Variants in ARHGEF4 observed in about 807,000 individuals in gnomAD.
The protein encoded by ARHGEF4 is Rho guanine nucleotide exchange factor 4.
ARHGEF4 carries 119 observed loss-of-function variants against 162.0 expected under a neutral mutation model. The ratio of observed to expected loss-of-function variants is 0.73; its 90% CI spans 0.63 to 0.86. The LOEUF (loss-of-function observed/expected upper bound fraction) is 0.86, where lower values mean the gene tolerates loss of function less well. ARHGEF4 is among the 40% of genes least tolerant of loss of function. The pLI is 0.00. For synonymous variants in ARHGEF4, 1,014 were observed against 979.9 expected (o/e 1.03, Z -0.65); for missense variants, 2,488 against 2,456.0 (o/e 1.01, Z -0.28).
At chr2:130,994,572 C>T (rs144283457) in intron 4 of ARHGEF4, among the ~76,000 whole-genome samples, 2 of 152,062 alleles carry the variant, frequency 1.3e-5, no homozygotes, top group Non-Finnish European at 2.9e-5. Context: ...TCCAATAAGA[C>T]GTTGTTTTGT....
intron 4 of ARHGEF4, among the ~76,000 whole-genome samples, chr2:130,960,780 G>T (rs1370260365): frequency 6.6e-6 from 1 of 152,108 alleles, no homozygotes; most frequent in Non-Finnish European, 1.5e-5. Flanking sequence ...CAGCACCTTT[G>T]ATGGTAAGTG....
intron 2 of ARHGEF4, among the ~76,000 whole-genome samples, chr2:130,925,140 C>A (rs1682165230): frequency 6.7e-6 from 1 of 149,004 alleles, no homozygotes; most frequent in African/African-American, 2.5e-5. Flanking sequence ...TGTTTATAAT[C>A]TAAAATTTGT....
chr2:130,931,500 C>G (rs1461687748), intron 3 of ARHGEF4, among the ~76,000 whole-genome samples: 1 of 152,226 alleles, frequency 6.6e-6, no homozygotes, highest in Non-Finnish European at 1.5e-5. Context: ...TCTTCCTTCT[C>G]TGTAGTATGT....
chr2:131,040,092 C>T lies in ARHGEF4; in HGVS notation c.4382C>T (p.Ala1461Val), dbSNP rs768808876. The T allele has an allele frequency of 1.6e-5, 25 of 1,608,716 alleles. No individual in the cohort carries two copies. The South Asian group carries it at 2.3e-4, about 15-fold the overall frequency. ...AGNSGAEDGG[A>V]EAQSSKDQMR... Reference sequence around the variant, plus strand: ...AACAGCGGAGCGGAGGACGGCGGGGCGGAGGCGCAGAGCAGCAAGGACCAG... The same window carrying T: ...AACAGCGGAGCGGAGGACGGCGGGGTGGAGGCGCAGAGCAGCAAGGACCAG... The change falls in exon 7 of 14, where the codon GCG becomes GTG. Residue 1461 changes from alanine (A) to valine (V), a missense_variant. Physicochemically the swap from Ala to Val is moderately conservative, Grantham distance 64. This residue lies in a region of ARHGEF4 where 174 missense variants were observed against 148.3 expected (regional missense o/e 1.17). Coordinates refer to ENST00000409359, the MANE Select transcript of ARHGEF4 (RefSeq NM_001367493.1).
At chr2:130,853,324 C>T (rs945955455) in intron 1 of ARHGEF4, among the ~76,000 whole-genome samples, 1 of 152,198 alleles carries the variant, frequency 6.6e-6, no homozygotes, top group Non-Finnish European at 1.5e-5. Flanking sequence ...TCTGGGCACA[C>T]GGCTTGGCTG....
At chr2:130,890,617 C>A (rs1441497464) in intron 1 of ARHGEF4, among the ~76,000 whole-genome samples, 1 of 150,542 alleles carries the variant, frequency 6.6e-6, no homozygotes, top group Non-Finnish European at 1.5e-5. Context: ...TTGTAAATTT[C>A]TTTTAACCTA....
chr2:130,907,301 G>T (rs1424770882), intron 1 of ARHGEF4, among the ~76,000 whole-genome samples: 1 of 129,856 alleles, frequency 7.7e-6, no homozygotes, highest in East Asian at 2.5e-4. Context: ...TGCAAGCTCC[G>T]CCTCCTGGGT....
At chr2:130,988,848 TTGTGTGTG>T (rs1167521372) in intron 4 of ARHGEF4, among the ~76,000 whole-genome samples, 23 of 136,216 alleles carry the variant, frequency 1.7e-4, no homozygotes, top group African/African-American at 5.8e-4. Context: ...CCACATATAT[TTGTGTGTG>T]TGTGTGTGTG....
chr2:130,922,372 A>AG (rs987653771), intron 2 of ARHGEF4, among the ~76,000 whole-genome samples: 82 of 138,458 alleles, frequency 5.9e-4, no homozygotes, highest in African/African-American at 2.3e-3. Context: ...ACTCTGTCTC[A>AG]AAAAAAAAAA....
chr2:131,045,688 C>T (rs1691195469), intron 13 of ARHGEF4: 3 of 1,466,600 alleles, frequency 2.0e-6, no homozygotes, highest in South Asian at 1.4e-5. Context: ...CCATTGGTGA[C>T]AATGCTTGTT....
rs368452142 is a variant in ARHGEF4, at chr2:130,988,901, TAGAGAGAGAG to T, written c.3986-39018_3986-39009del. On this transcript the variant is annotated intron_variant, in intron 4 of 13. Coordinates refer to ENST00000409359, the MANE Select transcript of ARHGEF4 (RefSeq NM_001367493.1). ...ATATATATATATATATATATATATATAGAGAGAGAGAGAGAGAGAGAGAGAGAGAGAGAGA... is the reference window on the plus strand; with the variant it reads ...ATATATATATATATATATATATATATAGAGAGAGAGAGAGAGAGAGAGAGA... 7.9e-4 allele frequency among the ~76,000 whole-genome samples: 89 copies of T among 113,372 alleles called. 1 individual carries two copies. The highest frequency in any genetic ancestry group is 4.9e-3 in the Middle Eastern group (1 of 206). The allele number at this position is 113,372 out of a possible 152,430, so 74.4% of individuals were successfully genotyped here.
At chr2:130,984,809 CAA>C (rs1230046779) in intron 4 of ARHGEF4, among the ~76,000 whole-genome samples, 1 of 152,076 alleles carries the variant, frequency 6.6e-6, no homozygotes, top group Non-Finnish European at 1.5e-5. Context: ...CCCAAGTGTC[CAA>C]ACTGAAACAG....
chr2:131,007,687 CATAA>C (rs1688202814), intron 4 of ARHGEF4, among the ~76,000 whole-genome samples: 1 of 149,030 alleles, frequency 6.7e-6, no homozygotes, highest in Non-Finnish European at 1.5e-5. Flanking sequence ...ATTATTTTTT[CATAA>C]ATAAGATCAC....
intron 1 of ARHGEF4, among the ~76,000 whole-genome samples, chr2:130,850,080 C>T (rs574780563): frequency 1.6e-4 from 24 of 152,298 alleles, no homozygotes; most frequent in Non-Finnish European, 2.6e-4. Flanking sequence ...CTCACCCCAC[C>T]GGGAGCCTCC....
intron 4 of ARHGEF4, among the ~76,000 whole-genome samples, chr2:130,955,372 G>T (rs1280885613): frequency 1.3e-5 from 2 of 152,056 alleles, no homozygotes; most frequent in African/African-American, 4.8e-5. Context: ...TGGAAACTGG[G>T]CATTTTAGAT....
chr2:130,886,364 A>AG (rs147593391), intron 1 of ARHGEF4, among the ~76,000 whole-genome samples: 1,994 of 152,024 alleles, frequency 0.013, 62 homozygotes, highest in African/African-American at 0.045. Flanking sequence ...TCTGAAAAAA[A>AG]ATTCTGAAAG....
rs565411954 is a variant in ARHGEF4 at position 130,932,128 on chromosome 2, A to G, written c.3858+871A>G. On this transcript the variant is annotated intron_variant, in intron 3 of 13. Coordinates refer to ENST00000409359, the MANE Select transcript of ARHGEF4 (RefSeq NM_001367493.1). ...GTCTCTATGGGTCTTCCTATTCTGGATTTTTCATATAAATGTAATTACATG... is the reference window on the plus strand; with the variant it reads ...GTCTCTATGGGTCTTCCTATTCTGGGTTTTTCATATAAATGTAATTACATG... Among the ~76,000 whole-genome samples the G allele has an allele frequency of 3.9e-5, 6 of 152,176 alleles. No individual in the cohort carries two copies. The East Asian group carries it at 9.6e-4, about 24-fold the overall frequency.
chr2:131,011,972 G>A, intron 4 of ARHGEF4: 1 of 695,178 alleles, frequency 1.4e-6, no homozygotes, highest in Non-Finnish European at 2.6e-6. Context: ...AGGGCTAGCT[G>A]ATGGACTTGA....
chr2:130,915,068 A>G lies in ARHGEF4; in HGVS notation c.1122A>G (p.Arg374=). The change falls in exon 2 of 14, where the codon AGA becomes AGG. Residue 374 remains arginine (R), a synonymous_variant. Coordinates refer to ENST00000409359, the MANE Select transcript of ARHGEF4 (RefSeq NM_001367493.1). ...KEGAKNERDP[R]IQNIPSPAPT... is the part of the protein sequence containing the mutation. ...GGGCCAAAAATGAACGAGATCCAAG[A>G]ATACAAAACATCCCTTCCCCTGCAC... 1 of 1,550,710 alleles carries G rather than the reference A, an allele frequency of 6.4e-7. No individual in the cohort carries two copies. Among genetic ancestry groups the G allele is most frequent in the East Asian group, 2.4e-5 (1 of 40,920 alleles).
Sources: allele counts gnomAD v4.1 joint callset (sites outside exome capture counted in the v4.1 genomes callset), GRCh38; gene constraint gnomAD v4.1.1; regional missense constraint gnomAD v4.1.1; transcripts MANE v1.5; gene names NCBI Gene and HGNC (gene_info 2026-07-23, HGNC 2026-07-21).